TRAFD1: variants seen among roughly 807,000 people sequenced by gnomAD.
TRAFD1 encodes the protein TRAF-type zinc finger domain-containing protein 1.
Under a neutral mutation model 65.3 loss-of-function variants are expected in TRAFD1, and 38 were observed. The ratio of observed to expected loss-of-function variants is 0.58; its 90% CI spans 0.45 to 0.76. The LOEUF is 0.76. TRAFD1 is among the 30% of genes least tolerant of loss of function. TRAFD1 has a pLI of 0.00. For missense variants in TRAFD1, 631 were observed against 712.6 expected (o/e 0.89, Z 1.30); for synonymous variants, 223 against 257.2 (o/e 0.87, Z 1.27).
At position 112,141,166 on chromosome 12, in the gene TRAFD1, C is replaced by A. The variant is rs756046542; in HGVS notation, c.585C>A (p.His195Gln). ...GAGCCTTTGAATCAGATGTTTTCCACAATAGAACTACCAACCAAAGGAACA... is the reference window on the plus strand; with the variant it reads ...GAGCCTTTGAATCAGATGTTTTCCAAAATAGAACTACCAACCAAAGGAACA... ...PLRAFESDVF[H>Q]NRTTNQRNIT... Residue 195 changes from histidine (H) to glutamine (Q), a missense_variant, in exon 5 of 12, where the codon CAC (histidine) becomes CAA (glutamine). Transcript: ENST00000412615. 1 of 1,614,152 alleles carries A rather than the reference C, an allele frequency of 6.2e-7. No homozygotes were observed. The highest frequency in any genetic ancestry group is 2.2e-5 in the East Asian group (1 of 44,878).
At position 112,151,897 on chromosome 12, in the gene TRAFD1, C is replaced by T. The variant is rs983489311; in HGVS notation, c.1376C>T (p.Thr459Ile). The T allele has an allele frequency of 3.1e-6, 5 of 1,614,076 alleles. No homozygotes were observed. The African/African-American group carries it at 6.7e-5, about 22-fold the overall frequency. Residue 459 changes from threonine to isoleucine, a missense_variant, in exon 10 of 12, where the codon ACA becomes ATA. Coordinates refer to ENST00000412615, the MANE Select transcript of TRAFD1 (RefSeq NM_006700.3). ...CCCAGCCGACCCATTAACAATATGACAGCTACCTATAACCAGCTATCGAGA... is the reference window on the plus strand; with the variant it reads ...CCCAGCCGACCCATTAACAATATGATAGCTACCTATAACCAGCTATCGAGA... The part of the protein sequence containing the change: ...LPPSRPINNM[T>I]ATYNQLSRST...
rs1204138834 is a variant in TRAFD1, at chr12:112,141,223, G to A, written c.642G>A (p.Leu214=). The A allele has an allele frequency of 1.9e-6, 3 of 1,613,388 alleles. No individual in the cohort carries two copies. The highest frequency in any genetic ancestry group is 1.7e-5 in the Admixed American group (1 of 59,994). The part of the protein sequence containing the change: ...ITAQVSIQNN[L]FEEQERQERN... ...CCCAGGTTTCAATTCAGAATAATCT[G>A]TGTGAGTTGTGCTTGGGATTAGGGA... Residue 214 remains leucine (L), a splice_region_variant and synonymous_variant, in exon 5 of 12, where the codon CTG becomes CTA. Coordinates refer to ENST00000412615, the MANE Select transcript of TRAFD1 (RefSeq NM_006700.3).
chr12:112,144,475 C>T (rs778566879), intron 6 of TRAFD1, among the ~76,000 whole-genome samples: 1 of 152,020 alleles, frequency 6.6e-6, no homozygotes, highest in South Asian at 2.1e-4. Flanking sequence ...TTTACCGTGT[C>T]GCTCAGGTTG....
At position 112,152,854 on chromosome 12, in the gene TRAFD1, G is replaced by T; in HGVS notation, c.*63G>T. 6.3e-7 allele frequency: 1 copy of T among 1,584,302 alleles called. No homozygotes were observed. The highest frequency in any genetic ancestry group is 8.6e-7 in the Non-Finnish European group (1 of 1,160,906). On this transcript the variant is annotated 3_prime_UTR_variant, in exon 12 of 12. Transcript: ENST00000412615. This position sits in a 1 kb window ranked among gnomAD's most constrained non-coding sequence, Gnocchi z 5.0. ...TGTGCACAGCAGCACTTGCCGCTGT[G>T]CAGGCCCACCTCTTTGGCTCTTTGG... is the stretch of plus-strand genomic sequence containing the variant.
chr12:112,139,857 T>G (rs2030033591), intron 4 of TRAFD1, among the ~76,000 whole-genome samples: 1 of 151,520 alleles, frequency 6.6e-6, no homozygotes, highest in Admixed American at 6.6e-5. Context: ...AAAAATTAGC[T>G]GGGTGTGGTG....
chr12:112,144,589 G>C (rs896267385), intron 6 of TRAFD1, among the ~76,000 whole-genome samples: 1 of 152,136 alleles, frequency 6.6e-6, no homozygotes, highest in Non-Finnish European at 1.5e-5. Context: ...CTTTTAAAAA[G>C]CATAAACGTA....
rs375240266 is a variant in TRAFD1, at chr12:112,135,798, C to T, written c.237+732C>T. 5.6e-4 allele frequency among the ~76,000 whole-genome samples: 84 copies of T among 149,566 alleles called. 1 individual carries two copies. The highest frequency in any genetic ancestry group is 2.0e-3 in the African/African-American group (80 of 40,684). ...GAGAGAGAATAGAGTATCATTTGCT[C>T]GCTAGTTGAGATAAAACTGGCCAAA... On this transcript the variant is annotated intron_variant, in intron 4 of 11. Transcript: ENST00000412615.
intron 7 of TRAFD1, among the ~76,000 whole-genome samples, chr12:112,147,040 C>T (rs893921122): frequency 7.8e-6 from 1 of 128,054 alleles, no homozygotes; most frequent in Non-Finnish European, 1.5e-5. Context: ...CACTCTGTCG[C>T]CTAGGCTGGA....
chr12:112,141,404 G>T (rs907050948), intron 5 of TRAFD1, 180 bp downstream of exon 5: 2 of 701,914 alleles, frequency 2.8e-6, no homozygotes, highest in Non-Finnish European at 4.6e-6. Flanking sequence ...TATAGTTAGG[G>T]TTCATAATGG....
chr12:112,133,867 G>C (rs1383180526), intron 2 of TRAFD1, among the ~76,000 whole-genome samples: 1 of 151,436 alleles, frequency 6.6e-6, no homozygotes, highest in Non-Finnish European at 1.5e-5. Context: ...ACCACACCTG[G>C]TTAATTTTTT....
rs2029965579 is a variant in TRAFD1 at position 112,137,804 on chromosome 12, G to A, written c.237+2738G>A. Among the ~76,000 whole-genome samples the A allele has an allele frequency of 6.6e-6, 1 of 151,944 alleles. No homozygotes were observed. Among genetic ancestry groups the A allele is most frequent in the Admixed American group, 6.6e-5 (1 of 15,224 alleles). ...AAATAAATAAATAAAAATCCAAACA[G>A]CTGTTTATATGGTAGTTATAGAAGA... On this transcript the variant is annotated intron_variant, in intron 4 of 11. Transcript: ENST00000412615. This position sits in a 1 kb window ranked among gnomAD's most constrained non-coding sequence, Gnocchi z 4.2.
Position 112,153,145 on chromosome 12 carries a change from G to C in TRAFD1, c.*354G>C. ...AGGGGAAGATTTTGGAAACCTGGTA[G>C]CCACCAGTAAGGTGATTCTCTGCCC... is the stretch of plus-strand genomic sequence containing the variant. On this transcript the variant is annotated 3_prime_UTR_variant, in exon 12 of 12. Transcript: ENST00000412615. The C allele has an allele frequency of 4.3e-6, 1 of 232,526 alleles. No homozygotes were observed. Among genetic ancestry groups the C allele is most frequent in the South Asian group, 8.0e-5 (1 of 12,480 alleles). The allele number at this position is 232,526 out of a possible 1,614,324, so 14.4% of individuals were successfully genotyped here. A position where few individuals can be genotyped will look rare whatever the true frequency, so the allele number is the denominator to read the frequency against.
At chr12:112,126,351 G>T (rs957822539) in intron 1 of TRAFD1, among the ~76,000 whole-genome samples, 3 of 152,142 alleles carry the variant, frequency 2.0e-5, no homozygotes, top group African/African-American at 7.2e-5. Context: ...CTCCTTATAA[G>T]CTTGAAGACT....
rs765779444 is a variant in TRAFD1, at chr12:112,142,292, A to C, written c.847A>C (p.Lys283Gln). The C allele has an allele frequency of 1.9e-6, 3 of 1,613,064 alleles. No individual in the cohort carries two copies. Among genetic ancestry groups the C allele is most frequent in the Non-Finnish European group, 2.5e-6 (3 of 1,179,126 alleles). Reference sequence around the variant, plus strand: ...CGGTCCCAGGTCTCTCAGTGACATAAAGGGTAGGCTTGCTTATTCTGCACT... The same window carrying C: ...CGGTCCCAGGTCTCTCAGTGACATACAGGGTAGGCTTGCTTATTCTGCACT... ...HGGPRSLSDI[K>Q]GAADEIMLPC... Residue 283 changes from lysine to glutamine, a missense_variant, in exon 6 of 12, where the codon AAG becomes CAG. Lys to Gln is a moderately conservative substitution (Grantham distance 53). Coordinates refer to ENST00000412615, the MANE Select transcript of TRAFD1 (RefSeq NM_006700.3).
intron 4 of TRAFD1, 81 bp from the exon 5 acceptor site, chr12:112,140,738 A>G: frequency 6.6e-7 from 1 of 1,507,158 alleles, no homozygotes. Context: ...TGCAGTAGAT[A>G]CTCTTGGCTT....
chr12:112,153,088 GC>G lies in TRAFD1; in HGVS notation c.*301del. 1 of 351,158 alleles carries G rather than the reference GC, an allele frequency of 2.8e-6. No individual in the cohort carries two copies. The highest frequency in any genetic ancestry group is 5.2e-6 in the Non-Finnish European group (1 of 191,030). The allele number at this position is 351,158 out of a possible 1,614,324, so 21.8% of individuals were successfully genotyped here. On this transcript the variant is annotated 3_prime_UTR_variant, in exon 12 of 12. Coordinates refer to ENST00000412615, the MANE Select transcript of TRAFD1 (RefSeq NM_006700.3). ...TCCCTTTTGACTTATTGTCGCCACT[GC>G]CCCTTGGTGCTGTGTGGTCCCAGTG...
chr12:112,140,781 G>A (rs1449474531), intron 4 of TRAFD1, 38 bp from the exon 5 acceptor site: 1 of 1,606,562 alleles, frequency 6.2e-7, no homozygotes, highest in Non-Finnish European at 8.5e-7. Flanking sequence ...ACCTCTCCTA[G>A]ATATGCATAT....
At chr12:112,135,212 T>A in intron 4 of TRAFD1, 146 bp downstream of exon 4, 1 of 906,736 alleles carries the variant, frequency 1.1e-6, no homozygotes, top group Non-Finnish European at 1.7e-6. Flanking sequence ...AGGCCTTGAC[T>A]ATGTAACTGC....
chr12:112,135,665 C>T, intron 4 of TRAFD1, among the ~76,000 whole-genome samples: 1 of 151,964 alleles, frequency 6.6e-6, no homozygotes, highest in Admixed American at 6.6e-5. Flanking sequence ...CTTCAGCCTC[C>T]CAAAGTGCTG....
Sources: gnomAD v4.1 joint callset for allele counts (sites outside exome capture counted in the v4.1 genomes callset) on GRCh38, gnomAD v4.1.1 for gene constraint, Gnocchi (gnomAD v3.1) non-coding constraint, MANE v1.5 for transcripts, NCBI Gene and HGNC (gene_info 2026-07-23, HGNC 2026-07-21) for gene names.